Variants in GALNT13 observed in about 807,000 individuals in gnomAD.
GALNT13 encodes polypeptide N-acetylgalactosaminyltransferase 13, also known as UDP-GalNAc:polypeptide N-acetylgalactosaminyltransferase 13.
GALNT13 carries 28 observed loss-of-function variants against 64.2 expected under a neutral mutation model. The observed-to-expected ratio is 0.44, with a 90% confidence interval of 0.32 to 0.60. GALNT13 has a LOEUF of 0.60. Among genes scored for constraint, GALNT13 ranks in the 20% least tolerant of loss-of-function variants. The probability of loss-of-function intolerance (pLI) is 0.05; values close to 1 mark genes in which losing one functional copy is unlikely to be tolerated. For synonymous variants in GALNT13, 214 were observed against 224.6 expected (o/e 0.95, Z 0.42); for missense variants, 577 against 669.8 (o/e 0.86, Z 1.53).
rs1697985988 is a variant in GALNT13, at chr2:154,376,241, T to A, written c.1157-19750T>A. Among the ~76,000 whole-genome samples, 7 of 152,204 alleles carry A rather than the reference T, an allele frequency of 4.6e-5. No homozygotes were observed. In the South Asian group the frequency reaches 1.4e-3, roughly 31 times the overall value. On this transcript the variant is annotated intron_variant, in intron 9 of 12. Transcript: ENST00000392825. ...TTCTTTTCTAAAAATTGTATTACTTTTAATGAGCAAATCTCATCTTCATTA... is the reference window on the plus strand; with the variant it reads ...TTCTTTTCTAAAAATTGTATTACTTATAATGAGCAAATCTCATCTTCATTA...
intron 4 of GALNT13, among the ~76,000 whole-genome samples, chr2:154,232,461 C>T (rs547873898): frequency 6.6e-6 from 1 of 152,222 alleles, no homozygotes; most frequent in South Asian, 2.1e-4. Flanking sequence ...CTCTAATAAT[C>T]ACTGTAGACT....
intron 3 of GALNT13, among the ~76,000 whole-genome samples, chr2:153,947,519 C>A (rs945487280): frequency 7.0e-6 from 1 of 143,858 alleles, no homozygotes; most frequent in Non-Finnish European, 1.5e-5. Flanking sequence ...CTTTTGCCCA[C>A]TTTTTGGTGG....
intron 2 of GALNT13, among the ~76,000 whole-genome samples, chr2:153,914,575 A>C (rs1006855446): frequency 9.7e-4 from 147 of 151,218 alleles, no homozygotes; most frequent in African/African-American, 3.5e-3. Context: ...TGATTTTGTT[A>C]GGATTCTTAA....
chr2:154,066,903 C>G (rs909472788), intron 3 of GALNT13, among the ~76,000 whole-genome samples: 1 of 151,772 alleles, frequency 6.6e-6, no homozygotes, highest in South Asian at 2.1e-4. Context: ...AAAAATAAAT[C>G]GGTCAAAAGT....
the GALNT13 span, among the ~76,000 whole-genome samples, chr2:153,073,783 G>T: frequency 6.6e-6 from 1 of 152,028 alleles, no homozygotes; most frequent in East Asian, 1.9e-4. Context: ...TTTGAATCAG[G>T]ATCTGAATAA....
At chr2:153,446,218 G>A in the GALNT13 span, among the ~76,000 whole-genome samples, 1 of 152,170 alleles carries the variant, frequency 6.6e-6, no homozygotes, top group Admixed American at 6.6e-5. Context: ...ATTTTAGGGT[G>A]AGAGGCAGAC....
chr2:154,008,757 T>A (rs1266838797), intron 3 of GALNT13, among the ~76,000 whole-genome samples: 6 of 152,174 alleles, frequency 3.9e-5, no homozygotes, highest in Non-Finnish European at 5.9e-5. Context: ...TGCAAAGGAC[T>A]TGATCTCCTT....
intron 9 of GALNT13, among the ~76,000 whole-genome samples, chr2:154,313,695 T>C (rs1258893444): frequency 6.3e-4 from 96 of 151,874 alleles, no homozygotes; most frequent in Admixed American, 1.1e-3. Context: ...CCTGGTGATC[T>C]GCCCACCTTG....
chr2:153,154,765 A>G, the GALNT13 span, among the ~76,000 whole-genome samples: 1 of 152,088 alleles, frequency 6.6e-6, no homozygotes. Context: ...TTCCAATTCT[A>G]TGTTGAATAG....
chr2:153,541,556 A>T, the GALNT13 span, among the ~76,000 whole-genome samples: 3 of 152,170 alleles, frequency 2.0e-5, no homozygotes, highest in Non-Finnish European at 4.4e-5. Flanking sequence ...ACCTACAATT[A>T]TTACTCTAAC....
the GALNT13 span, among the ~76,000 whole-genome samples, chr2:153,254,768 G>C: frequency 6.6e-6 from 1 of 152,134 alleles, no homozygotes; most frequent in Non-Finnish European, 1.5e-5. Flanking sequence ...TTTCCATGTA[G>C]TTGAGTGGTT....
chr2:153,291,386 G>T, the GALNT13 span, among the ~76,000 whole-genome samples: 1 of 152,170 alleles, frequency 6.6e-6, no homozygotes, highest in Non-Finnish European at 1.5e-5. Flanking sequence ...ATTCATGGGA[G>T]TTGGGGGCCA....
At chr2:154,150,279 C>A (rs1683907722) in intron 4 of GALNT13, among the ~76,000 whole-genome samples, 1 of 152,028 alleles carries the variant, frequency 6.6e-6, no homozygotes. Flanking sequence ...GGATGAAGCC[C>A]ACTTGATCAT....
chr2:153,203,112 T>C, the GALNT13 span, among the ~76,000 whole-genome samples: 1 of 152,208 alleles, frequency 6.6e-6, no homozygotes, highest in Admixed American at 6.5e-5. Context: ...CTTGTCTGCT[T>C]TCAAGAAGGT....
chr2:153,192,515 T>C, the GALNT13 span, among the ~76,000 whole-genome samples: 1 of 152,208 alleles, frequency 6.6e-6, no homozygotes, highest in Non-Finnish European at 1.5e-5. Flanking sequence ...TAGGGCCATT[T>C]GGTCTAAAGT....
chr2:153,861,490 A>C, the GALNT13 span, among the ~76,000 whole-genome samples: 124,638 of 151,398 alleles, frequency 0.82, 52,491 homozygotes, highest in Non-Finnish European at 0.9. Flanking sequence ...TCTATGGTTT[A>C]TGATGAAAAT....
At chr2:153,780,238 T>TGC in the GALNT13 span, among the ~76,000 whole-genome samples, 107 of 15,102 alleles carry the variant, frequency 7.1e-3, 4 homozygotes, top group Admixed American at 0.033. Context: ...TATATATATA[T>TGC]ATATATATAT....
At chr2:153,818,217 C>T in the GALNT13 span, among the ~76,000 whole-genome samples, 789 of 152,254 alleles carry the variant, frequency 5.2e-3, 7 homozygotes, top group African/African-American at 0.018. Flanking sequence ...GGCTTCCCCC[C>T]GAGGGACTCC....
At chr2:153,497,402 T>A in the GALNT13 span, among the ~76,000 whole-genome samples, 1 of 152,108 alleles carries the variant, frequency 6.6e-6, no homozygotes. Flanking sequence ...GTCCTTCATA[T>A]TTTATGTCTC....
Sources: allele counts gnomAD v4.1 joint callset (sites outside exome capture counted in the v4.1 genomes callset), GRCh38; gene constraint gnomAD v4.1.1; transcripts MANE v1.5; gene names NCBI Gene and HGNC (gene_info 2026-07-23, HGNC 2026-07-21).